Variants in ABLIM2 observed in about 807,000 individuals in gnomAD.
ABLIM2 encodes actin binding LIM protein family member 2.
ABLIM2 carries 53 observed loss-of-function variants against 97.7 expected under a neutral mutation model. The observed-to-expected ratio is 0.54, with a 90% CI of 0.44 to 0.68. ABLIM2 has a LOEUF of 0.68. Among genes scored for constraint, ABLIM2 ranks in the 30% least tolerant of loss-of-function variants. The pLI is 0.00. For missense variants in ABLIM2, 835 were observed against 867.2 expected, an observed-to-expected ratio of 0.96 and a Z score of 0.47; for synonymous variants, 361 against 345.8, an observed-to-expected ratio of 1.04 and a Z score of -0.49.
rs898227045 is a variant in ABLIM2 at position 8,054,050 on chromosome 4, A to G, written c.822+138T>C. 38 of 890,882 alleles carry G rather than the reference A, an allele frequency of 4.3e-5. No homozygotes were observed. Among genetic ancestry groups the G allele is most frequent in the Non-Finnish European group, 4.5e-5 (25 of 550,994 alleles). The allele number at this position is 890,882 out of a possible 1,614,324, so 55.2% of individuals were successfully genotyped here. On this transcript the variant is annotated intron_variant, in intron 8 of 20. Transcript: ENST00000447017. The surrounding 1 kb of genome is among the most constrained non-coding windows in gnomAD (Gnocchi z 4.9). ...TACTTGTTTACCCTCCCCACCTCCT[A>G]AGCCTGGCTGCCCCCATCCTGCAGC...
chr4:8,008,190 C>T lies in ABLIM2; in HGVS notation c.1487G>A (p.Ser496Asn), dbSNP rs753044712. ...TGCATCCCCCTTGAGCATCAGCCAGCTGCTCTTCTGCTGAAGGTAAAAAAC... is the reference window on the plus strand; with the variant it reads ...TGCATCCCCCTTGAGCATCAGCCAGTTGCTCTTCTGCTGAAGGTAAAAAAC... ...LDQDNRKQKS[S>N]WLMLKGDADT... Residue 496 changes from serine (S) to asparagine (N), a missense_variant, in exon 16 of 21, where the codon AGC becomes AAC. Physicochemically the swap from Ser to Asn is conservative, Grantham distance 46. Transcript: ENST00000447017. 1.9e-6 allele frequency: 3 copies of T among 1,612,986 alleles called. No homozygotes were observed. Among genetic ancestry groups the T allele is most frequent in the South Asian group, 1.1e-5 (1 of 90,954 alleles).
In ABLIM2 at chr4:8,106,464, C is replaced by A. The variant is rs748085270; in HGVS notation, c.154+30G>T. Reference sequence around the variant, plus strand: ...GCCGCTGGGAGGCCCGTTTCAGGGGCCACACTGCAGGGGACCGGGGGACAC... The same window carrying A: ...GCCGCTGGGAGGCCCGTTTCAGGGGACACACTGCAGGGGACCGGGGGACAC... On this transcript the variant is annotated intron_variant, in intron 2 of 20. Transcript: ENST00000447017. 3.8e-6 allele frequency: 6 copies of A among 1,576,706 alleles called. No homozygotes were observed. In the East Asian group the frequency reaches 1.4e-4, roughly 37 times the overall value.
At chr4:8,042,384 A>T (rs1185625803) in intron 9 of ABLIM2, among the ~76,000 whole-genome samples, 4 of 151,784 alleles carry the variant, frequency 2.6e-5, no homozygotes, top group Non-Finnish European at 5.9e-5. Flanking sequence ...AGGTCCTAAG[A>T]CCCCCTGTGC....
intron 18 of ABLIM2, among the ~76,000 whole-genome samples, chr4:7,984,457 G>A (rs1196877595): frequency 2.0e-5 from 3 of 152,242 alleles, no homozygotes; most frequent in Admixed American, 2.0e-4. Flanking sequence ...AACCCGGAGA[G>A]TTCACGCGGC....
intron 1 of ABLIM2, among the ~76,000 whole-genome samples, chr4:8,131,860 C>CACATCCCCT: frequency 7.1e-6 from 1 of 141,556 alleles, no homozygotes; most frequent in African/African-American, 2.7e-5. Flanking sequence ...CACAGCAGCC[C>CACATCCCCT]GCATCCCCTG....
chr4:7,989,319 T>C (rs1746889239), intron 17 of ABLIM2: 1 of 765,134 alleles, frequency 1.3e-6, no homozygotes, highest in Non-Finnish European at 1.6e-6. Flanking sequence ...CCTCAAGTGA[T>C]CCACCCACCT....
At chr4:8,091,090 C>T (rs942749030) in intron 3 of ABLIM2, among the ~76,000 whole-genome samples, 11 of 150,480 alleles carry the variant, frequency 7.3e-5, no homozygotes, top group Non-Finnish European at 1.5e-4. Context: ...GCATTCACAA[C>T]GGCACTGGAG....
rs1781607375 is a variant in ABLIM2 at position 8,032,529 on chromosome 4, G to A, written c.1048-2753C>T. 7.5e-7 allele frequency: 1 copy of A among 1,326,166 alleles called. No individual in the cohort carries two copies. The highest frequency in any genetic ancestry group is 1.4e-5 in the African/African-American group (1 of 69,212). The allele number at this position is 1,326,166 out of a possible 1,614,324, so 82.1% of individuals were successfully genotyped here. On this transcript the variant is annotated intron_variant, in intron 10 of 20. Coordinates refer to ENST00000447017, the MANE Select transcript of ABLIM2 (RefSeq NM_001130083.2). The surrounding 1 kb of genome is among the most constrained non-coding windows in gnomAD (Gnocchi z 4.3). ...CCATGTCACAAGGGCCGTGGCCCCGGGCCCCATGGTGAAGAGCCACCGAGG... is the reference window on the plus strand; with the variant it reads ...CCATGTCACAAGGGCCGTGGCCCCGAGCCCCATGGTGAAGAGCCACCGAGG...
chr4:8,105,605 G>A (rs1349093540), intron 2 of ABLIM2, among the ~76,000 whole-genome samples: 3 of 152,246 alleles, frequency 2.0e-5, no homozygotes, highest in African/African-American at 7.2e-5. Context: ...TTCATCGAGG[G>A]TCGTTATGGT....
At position 7,966,956 on chromosome 4, in the gene ABLIM2, C is replaced by T. The variant is rs542618197; in HGVS notation, c.*34G>A. 13 of 1,564,514 alleles carry T rather than the reference C, an allele frequency of 8.3e-6. No individual in the cohort carries two copies. In the East Asian group the frequency reaches 2.8e-4, roughly 33 times the overall value. On this transcript the variant is annotated 3_prime_UTR_variant, in exon 21 of 21. Transcript: ENST00000447017. ...TCGCCAGGGGCCCCTGGCCTCGGCG[C>T]CCGGCACACACCAGTGGGGCAGGCT...
At chr4:8,101,705 C>G (rs34733724) in intron 2 of ABLIM2, among the ~76,000 whole-genome samples, 8,887 of 152,232 alleles carry the variant, frequency 0.058, 393 homozygotes, top group African/African-American at 0.12. Flanking sequence ...AAAATGCCCG[C>G]TCTCCCGAGG....
intron 1 of ABLIM2, among the ~76,000 whole-genome samples, chr4:8,135,858 T>C (rs1466053063): frequency 6.6e-6 from 1 of 152,146 alleles, no homozygotes; most frequent in Admixed American, 6.5e-5. Context: ...ACTTCACAGG[T>C]GGTGAAGAGC....
chr4:8,091,315 A>T (rs1249733839), intron 3 of ABLIM2, among the ~76,000 whole-genome samples: 1 of 30,746 alleles, frequency 3.3e-5, no homozygotes, highest in African/African-American at 1.9e-4. Context: ...TTATATATAT[A>T]TAATTATATA....
chr4:7,972,845 A>ATTGTC (rs1560324644), intron 20 of ABLIM2, among the ~76,000 whole-genome samples: 2 of 152,048 alleles, frequency 1.3e-5, no homozygotes, highest in African/African-American at 4.8e-5. Flanking sequence ...TGTGGCTCCA[A>ATTGTC]ACCTCCTATT....
chr4:8,032,769 C>G lies in ABLIM2; in HGVS notation c.1048-2993G>C. The G allele has an allele frequency of 7.4e-7, 1 of 1,355,110 alleles. No homozygotes were observed. Among genetic ancestry groups the G allele is most frequent in the Non-Finnish European group, 1.1e-6 (1 of 949,782 alleles). The allele number at this position is 1,355,110 out of a possible 1,614,324, so 83.9% of individuals were successfully genotyped here. On this transcript the variant is annotated intron_variant, in intron 10 of 20. Transcript: ENST00000447017. This position sits in a 1 kb window ranked among gnomAD's most constrained non-coding sequence, Gnocchi z 4.3. ...TTCCGTGACTGGCAGGCAACACAGGCGCAAACACCCACACAGAGCCCTGAT... is the reference window on the plus strand; with the variant it reads ...TTCCGTGACTGGCAGGCAACACAGGGGCAAACACCCACACAGAGCCCTGAT...
intron 14 of ABLIM2, among the ~76,000 whole-genome samples, chr4:8,016,838 G>A (rs6813594): frequency 0.019 from 2,957 of 152,254 alleles, 110 homozygotes; most frequent in African/African-American, 0.066. Flanking sequence ...CTCTGCCGCC[G>A]ATGAACTCTG....
chr4:8,110,117 C>T (rs1307295265), intron 1 of ABLIM2, among the ~76,000 whole-genome samples: 5 of 152,236 alleles, frequency 3.3e-5, no homozygotes, highest in African/African-American at 1.2e-4. Context: ...CCATGGGGGC[C>T]CCTGTAGGCT....
Position 8,091,330 on chromosome 4 carries a change from T to TAA in ABLIM2, c.339-3047_339-3046insTT, listed in dbSNP as rs375937738. Reference sequence around the variant, plus strand: ...TTATATATATATAATTATATATATATTATATATATAATATATATATAATTA... The same window carrying TAA: ...TTATATATATATAATTATATATATATAATATATATATAATATATATATAATTA... On this transcript the variant is annotated intron_variant, in intron 3 of 20. Transcript: ENST00000447017. Among the ~76,000 whole-genome samples, 15 of 46,776 alleles carry TAA rather than the reference T, an allele frequency of 3.2e-4. 2 individuals carry two copies. In the Admixed American group the frequency reaches 3.2e-3, roughly 10 times the overall value. The allele number at this position is 46,776 out of a possible 152,430, so 30.7% of individuals were successfully genotyped here. A position where few individuals can be genotyped will look rare whatever the true frequency, so the allele number is the denominator to read the frequency against.
At chr4:8,062,438 C>CT (rs999245352) in intron 6 of ABLIM2, among the ~76,000 whole-genome samples, 2,018 of 143,516 alleles carry the variant, frequency 0.014, 44 homozygotes, top group African/African-American at 0.041. Context: ...GGGTAGCACT[C>CT]TTTTTTTTTT....
Sources: allele counts gnomAD v4.1 joint callset (sites outside exome capture counted in the v4.1 genomes callset), GRCh38; gene constraint gnomAD v4.1.1; non-coding constraint Gnocchi (gnomAD v3.1); transcripts MANE v1.5; gene names NCBI Gene and HGNC (gene_info 2026-07-23, HGNC 2026-07-21).